TTC28: variants seen among roughly 807,000 people sequenced by gnomAD.
TTC28 encodes tetratricopeptide repeat domain 28.
In TTC28, 61 loss-of-function variants were observed where a neutral mutation model predicts 198.0. The ratio of observed to expected loss-of-function variants is 0.31; its 90% CI spans 0.25 to 0.38. The LOEUF is 0.38. Among genes scored for constraint, TTC28 ranks in the 10% least tolerant of loss-of-function variants. TTC28 has a pLI of 1.00. For missense variants in TTC28, 2,678 were observed against 3,164.0 expected, an observed-to-expected ratio of 0.85 and a Z score of 3.69; for synonymous variants, 1,171 against 1,297.8, an observed-to-expected ratio of 0.90 and a Z score of 2.10.
At chr22:28,127,041 A>C (rs1363553024) in intron 6 of TTC28, among the ~76,000 whole-genome samples, 1 of 152,218 alleles carries the variant, frequency 6.6e-6, no homozygotes, top group Non-Finnish European at 1.5e-5. Flanking sequence ...TTTTAAAAAT[A>C]TCTTAATAAA....
At chr22:28,324,179 G>C (rs1177547860) in intron 2 of TTC28, among the ~76,000 whole-genome samples, 1 of 152,016 alleles carries the variant, frequency 6.6e-6, no homozygotes, top group Admixed American at 6.6e-5. Flanking sequence ...GGGCTGAGTG[G>C]GGTGGCTCAT....
At chr22:28,585,090 CT>C (rs1208348732) in intron 2 of TTC28, among the ~76,000 whole-genome samples, 1 of 152,094 alleles carries the variant, frequency 6.6e-6, no homozygotes, top group East Asian at 1.9e-4. Flanking sequence ...CTCTATTTAA[CT>C]TTTTATCAGT....
chr22:28,635,280 C>T (rs2051251796), intron 1 of TTC28, among the ~76,000 whole-genome samples: 1 of 152,098 alleles, frequency 6.6e-6, no homozygotes, highest in Non-Finnish European at 1.5e-5. Context: ...GAGATTGCAC[C>T]ACTGCACTCC....
chr22:28,133,643 G>A lies in TTC28; in HGVS notation c.1442-25240C>T, dbSNP rs540448297. Among the ~76,000 whole-genome samples the A allele has an allele frequency of 6.4e-4, 98 of 152,342 alleles. No individual in the cohort carries two copies. The Middle Eastern group carries it at 0.014, about 21-fold the overall frequency. ...ACAGCAGTCTGAGATCAAACTGCAA[G>A]GCAGCAGCATGGCTAGGGGAGGGGC... On this transcript the variant is annotated intron_variant, in intron 6 of 22. Coordinates refer to ENST00000397906, the MANE Select transcript of TTC28 (RefSeq NM_001145418.2).
intron 2 of TTC28, among the ~76,000 whole-genome samples, chr22:28,573,787 T>C (rs2050099934): frequency 6.6e-6 from 1 of 152,108 alleles, no homozygotes; most frequent in African/African-American, 2.4e-5. Context: ...AAATACTAGA[T>C]CTTACTCATT....
At chr22:28,020,444 C>CA (rs1938544918) in intron 13 of TTC28, among the ~76,000 whole-genome samples, 1 of 152,176 alleles carries the variant, frequency 6.6e-6, no homozygotes, top group Non-Finnish European at 1.5e-5. Context: ...GAGGTGAGGC[C>CA]ACAGAGGGTC....
At chr22:28,573,535 C>G (rs920506993) in intron 2 of TTC28, among the ~76,000 whole-genome samples, 1 of 151,788 alleles carries the variant, frequency 6.6e-6, no homozygotes, top group Non-Finnish European at 1.5e-5. Flanking sequence ...TAATGTGAGA[C>G]TTGTGAACAG....
chr22:28,506,543 T>C (rs1224358587), intron 2 of TTC28, among the ~76,000 whole-genome samples: 1 of 152,210 alleles, frequency 6.6e-6, no homozygotes, highest in Non-Finnish European at 1.5e-5. Context: ...GCAGCACACC[T>C]GCTCTACCAA....
chr22:28,459,268 CA>C (rs1348692652), intron 2 of TTC28, among the ~76,000 whole-genome samples: 1 of 151,826 alleles, frequency 6.6e-6, no homozygotes, highest in Non-Finnish European at 1.5e-5. Context: ...CTCTACCCAA[CA>C]AAATACAAAA....
intron 2 of TTC28, among the ~76,000 whole-genome samples, chr22:28,532,165 C>T (rs1019456817): frequency 5.3e-5 from 8 of 151,744 alleles, no homozygotes; most frequent in Non-Finnish European, 8.8e-5. Flanking sequence ...ACTAGCAAGA[C>T]TAATAGAGAA....
At chr22:28,636,196 G>A (rs1345300199) in intron 1 of TTC28, among the ~76,000 whole-genome samples, 1 of 118,130 alleles carries the variant, frequency 8.5e-6, no homozygotes, top group African/African-American at 3.3e-5. Flanking sequence ...CACGATCTTG[G>A]CTCACTGCAA....
chr22:28,506,986 A>T (rs2048622133), intron 2 of TTC28, among the ~76,000 whole-genome samples: 1 of 152,218 alleles, frequency 6.6e-6, no homozygotes, highest in African/African-American at 2.4e-5. Flanking sequence ...AAAACTCAAA[A>T]AGCCAGAGTG....
intron 5 of TTC28, among the ~76,000 whole-genome samples, chr22:28,280,117 T>G (rs2044555791): frequency 6.6e-6 from 1 of 152,130 alleles, no homozygotes; most frequent in Non-Finnish European, 1.5e-5. Flanking sequence ...GCAGCAGACT[T>G]GCTGGCCACA....
rs149189568 is a variant in TTC28, at chr22:28,615,818, T to C, written c.381+13734A>G. ...GGGGGGTGGGGGGCTAGGGGAAGGATAGCATTAGGAGAAATACCTTATCTT... is the reference window on the plus strand; with the variant it reads ...GGGGGGTGGGGGGCTAGGGGAAGGACAGCATTAGGAGAAATACCTTATCTT... On this transcript the variant is annotated intron_variant, in intron 2 of 22. Coordinates refer to ENST00000397906, the MANE Select transcript of TTC28 (RefSeq NM_001145418.2). Among the ~76,000 whole-genome samples the C allele has an allele frequency of 9.0e-3, 1,359 of 151,808 alleles. 22 individuals are homozygous for C. Among genetic ancestry groups the C allele is most frequent in the African/African-American group, 0.031 (1,268 of 41,282 alleles).
At chr22:28,149,784 T>C (rs1943564094) in intron 6 of TTC28, among the ~76,000 whole-genome samples, 1 of 152,130 alleles carries the variant, frequency 6.6e-6, no homozygotes, top group African/African-American at 2.4e-5. Flanking sequence ...CATCAAAGGG[T>C]GCAAATTTCC....
At chr22:28,641,141 T>C (rs534304001) in intron 1 of TTC28, among the ~76,000 whole-genome samples, 1 of 152,140 alleles carries the variant, frequency 6.6e-6, no homozygotes, top group South Asian at 2.1e-4. Context: ...CTGGCCAACA[T>C]GGTGAGACCC....
intron 5 of TTC28, among the ~76,000 whole-genome samples, chr22:28,254,452 C>A (rs1930744411): frequency 6.7e-6 from 1 of 149,436 alleles, no homozygotes; most frequent in East Asian, 2.0e-4. Context: ...GGAAGAAGAG[C>A]ACTTCAAAAG....
chr22:28,653,744 G>A (rs1469654645), intron 1 of TTC28, among the ~76,000 whole-genome samples: 3 of 151,942 alleles, frequency 2.0e-5, no homozygotes, highest in Non-Finnish European at 1.5e-5. Flanking sequence ...TAACTCTACC[G>A]ATCTAATAAG....
intron 5 of TTC28, among the ~76,000 whole-genome samples, chr22:28,268,045 T>TAAAC: frequency 6.6e-6 from 1 of 152,286 alleles, no homozygotes; most frequent in Non-Finnish European, 1.5e-5. Context: ...ATTGTCCTAT[T>TAAAC]AGGGTGGAGA....
Sources: gnomAD v4.1 joint callset for allele counts (sites outside exome capture counted in the v4.1 genomes callset) on GRCh38, gnomAD v4.1.1 for gene constraint, MANE v1.5 for transcripts, NCBI Gene and HGNC (gene_info 2026-07-23, HGNC 2026-07-21) for gene names.